Variants in DNAJB4 observed in about 807,000 individuals in gnomAD.
The protein encoded by DNAJB4 is dnaJ homolog subfamily B member 4.
A neutral mutation model predicts 26.6 loss-of-function variants in DNAJB4; 10 were observed. The observed-to-expected ratio is 0.38, with a 90% confidence interval of 0.23 to 0.64. The LOEUF (loss-of-function observed/expected upper bound fraction) is 0.64. DNAJB4 is among the 30% of genes least tolerant of loss of function. The pLI is 0.58. For missense variants in DNAJB4, 328 were observed against 408.2 expected (o/e 0.80, Z 1.69); for synonymous variants, 136 against 134.8 (o/e 1.01, Z -0.06).
intron 1 of DNAJB4, among the ~76,000 whole-genome samples, chr1:78,012,678 A>G (rs9730688): frequency 0.91 from 138,899 of 151,870 alleles, 63,682 homozygotes; most frequent in African/African-American, 0.95. Flanking sequence ...GCGTGGTGGC[A>G]CATGCCTGTA....
At chr1:77,979,862 G>A (rs571195477), upstream of DNAJB4, among the ~76,000 whole-genome samples, 61 of 151,438 alleles carry the variant, frequency 4.0e-4, no homozygotes, top group Non-Finnish European at 6.6e-4. Context: ...TGTGTCCATG[G>A]CCATTTTTAT....
At chr1:78,001,894 AG>A (rs1416469753), upstream of DNAJB4, among the ~76,000 whole-genome samples, 1 of 152,224 alleles carries the variant, frequency 6.6e-6, no homozygotes, top group Non-Finnish European at 1.5e-5. Context: ...ATGTTTGAGT[AG>A]CAAAGTAAAA....
intron 1 of DNAJB4, chr1:77,981,149 T>C (rs1367882529): frequency 2.6e-5 from 4 of 151,648 alleles, no homozygotes; most frequent in East Asian, 3.9e-4. Flanking sequence ...ATTGAAAATA[T>C]GTAAGGACCT....
intron 1 of DNAJB4, among the ~76,000 whole-genome samples, chr1:77,995,851 T>C (rs1660048384): frequency 1.3e-5 from 2 of 151,934 alleles, no homozygotes; most frequent in Admixed American, 1.3e-4. Context: ...GAGGCTGAAA[T>C]AGGAGAATCA....
chr1:77,989,909 T>G (rs2102591334), intron 1 of DNAJB4, among the ~76,000 whole-genome samples: 1 of 152,286 alleles, frequency 6.6e-6, no homozygotes, highest in Non-Finnish European at 1.5e-5. Context: ...AGTGCTGGGG[T>G]TTCTCCTTGG....
chr1:78,013,097 C>G lies in DNAJB4; in HGVS notation c.258C>G (p.Phe86Leu), dbSNP rs1400950942. ...GTACTGATGGACAAGGAGGTACCTTCCGGTACACCTTTCATGGCGATCCTC... is the reference window on the plus strand; with the variant it reads ...GTACTGATGGACAAGGAGGTACCTTGCGGTACACCTTTCATGGCGATCCTC... Reference protein sequence around the residue: ...AGGTDGQGGTFRYTFHGDPHA... With the variant: ...AGGTDGQGGTLRYTFHGDPHA... The change falls in exon 2 of 3, where the codon TTC becomes TTG. Residue 86 changes from phenylalanine to leucine, a missense_variant. Phe to Leu is a conservative substitution (Grantham distance 22, BLOSUM62 0). Coordinates refer to ENST00000370763, the MANE Select transcript of DNAJB4 (RefSeq NM_007034.5). 3.1e-6 allele frequency: 5 copies of G among 1,613,628 alleles called. No individual in the cohort carries two copies. In the African/African-American group the frequency reaches 5.3e-5, roughly 17 times the overall value.
chr1:77,990,055 G>A (rs1343193109), intron 1 of DNAJB4, among the ~76,000 whole-genome samples: 1 of 152,128 alleles, frequency 6.6e-6, no homozygotes, highest in East Asian at 1.9e-4. Context: ...AATCAACCCT[G>A]AGCCATCCCC....
At chr1:78,015,953 T>C (rs1420158728) in intron 2 of DNAJB4, 61 bp from the exon 3 acceptor site, 2 of 1,405,396 alleles carry the variant, frequency 1.4e-6, no homozygotes, top group Non-Finnish European at 2.0e-6. Context: ...TCTGGTAAAA[T>C]TTGTGCTTAG....
intron 1 of DNAJB4, among the ~76,000 whole-genome samples, chr1:77,997,092 T>C (rs1485407713): frequency 6.6e-6 from 1 of 152,142 alleles, no homozygotes; most frequent in Non-Finnish European, 1.5e-5. Flanking sequence ...ACTTAAGAAA[T>C]GAAGCAACCT....
chr1:78,004,438 T>C (rs947568294), upstream of DNAJB4: 1 of 152,226 alleles, frequency 6.6e-6, no homozygotes, highest in Non-Finnish European at 1.5e-5. Context: ...CGTTTCTGAT[T>C]GATAGACCCC....
chr1:77,997,680 T>C (rs1290700241), intron 1 of DNAJB4, among the ~76,000 whole-genome samples: 1 of 152,178 alleles, frequency 6.6e-6, no homozygotes, highest in East Asian at 1.9e-4. Flanking sequence ...ATTCTCCCTT[T>C]CTCTGTCAAA....
In DNAJB4 at chr1:78,016,095, G is replaced by A. The variant is rs764040670; in HGVS notation, c.862G>A (p.Gly288Arg). ...GTCAGTAAATGATATTGTGAAACCC[G>A]GAATGAGGAGAAGAATTATTGGATA... ...PMSVNDIVKP[G>R]MRRRIIGYGL... The change falls in exon 3 of 3, where the codon GGA becomes AGA. Residue 288 changes from glycine to arginine, a missense_variant. Coordinates refer to ENST00000370763, the MANE Select transcript of DNAJB4 (RefSeq NM_007034.5). The A allele has an allele frequency of 8.1e-6, 13 of 1,613,894 alleles. No individual in the cohort carries two copies. Among genetic ancestry groups the A allele is most frequent in the African/African-American group, 8.0e-5 (6 of 74,870 alleles).
chr1:77,988,270 G>T (rs1233963321), intron 1 of DNAJB4, among the ~76,000 whole-genome samples: 2 of 151,998 alleles, frequency 1.3e-5, no homozygotes, highest in Non-Finnish European at 2.9e-5. Context: ...CTATCCTCCT[G>T]CCTCAGCATT....
chr1:78,010,208 A>C (rs2102610694), intron 1 of DNAJB4, among the ~76,000 whole-genome samples: 1 of 152,266 alleles, frequency 6.6e-6, no homozygotes, highest in East Asian at 1.9e-4. Context: ...GCAAGTATTT[A>C]AATTTTGTCT....
At chr1:77,999,230 T>C (rs564682757) in intron 1 of DNAJB4, among the ~76,000 whole-genome samples, 1 of 152,338 alleles carries the variant, frequency 6.6e-6, no homozygotes, top group African/African-American at 2.4e-5. Context: ...CCTAGTACCC[T>C]CTAGTTTTAT....
At chr1:77,988,098 C>G (rs1212739283) in intron 1 of DNAJB4, among the ~76,000 whole-genome samples, 1 of 146,594 alleles carries the variant, frequency 6.8e-6, no homozygotes, top group Admixed American at 6.9e-5. Flanking sequence ...AATCAGAGCT[C>G]ACTGTAACCT....
chr1:78,005,107 C>T lies in DNAJB4; in HGVS notation c.-4C>T. On this transcript the variant is annotated 5_prime_UTR_variant, in exon 1 of 3. Coordinates refer to ENST00000370763, the MANE Select transcript of DNAJB4 (RefSeq NM_007034.5). ...AAATCTAAGTTAATTTCAAGGCATT[C>T]GAAATGGGGAAAGACTATTATTGCA... 1 of 1,610,096 alleles carries T rather than the reference C, an allele frequency of 6.2e-7. No homozygotes were observed. The highest frequency in any genetic ancestry group is 1.1e-5 in the South Asian group (1 of 90,310).
chr1:77,991,395 T>A (rs779663526), intron 1 of DNAJB4, among the ~76,000 whole-genome samples: 2 of 152,224 alleles, frequency 1.3e-5, no homozygotes, highest in Non-Finnish European at 2.9e-5. Flanking sequence ...AAAGCAATAC[T>A]TGAAATGCTT....
intron 2 of DNAJB4, among the ~76,000 whole-genome samples, chr1:78,014,881 A>G (rs973048539): frequency 6.6e-6 from 1 of 152,164 alleles, no homozygotes; most frequent in African/African-American, 2.4e-5. Context: ...GACTATAGGC[A>G]TGAGCCACCG....
Sources: allele counts gnomAD v4.1 joint callset (sites outside exome capture counted in the v4.1 genomes callset), GRCh38; gene constraint gnomAD v4.1.1; transcripts MANE v1.5; gene names NCBI Gene and HGNC (gene_info 2026-07-23, HGNC 2026-07-21).